Variants in INTS4 observed in about 807,000 individuals in gnomAD.
INTS4 encodes MSTP093.
A neutral mutation model predicts 119.5 loss-of-function variants in INTS4; 70 were observed. The ratio of observed to expected loss-of-function variants is 0.59; its 90% confidence interval spans 0.48 to 0.71. The LOEUF is 0.71. INTS4 is among the 30% of genes least tolerant of loss of function. The probability of loss-of-function intolerance (pLI) is 0.00; values close to 1 mark genes in which losing one functional copy is unlikely to be tolerated. For synonymous variants in INTS4, 316 were observed against 419.6 expected (o/e 0.75, Z 3.02); for missense variants, 867 against 1,173.2 (o/e 0.74, Z 3.81).
At position 77,879,034 on chromosome 11, in the gene INTS4, G is replaced by A. The variant is rs1951689488; in HGVS notation, c.2807C>T (p.Pro936Leu). Residue 936 changes from proline to leucine, a missense_variant, in exon 23 of 23, where the codon CCA becomes CTA. Transcript: ENST00000534064. ...GCCCTCGATGCTGGTTTCCACCTGT[G>A]GTGACATCTCACCACCCTCCATCCA... ...CPWMEGGEMS[P>L]QVETSIEGTI... is the part of the protein sequence containing the mutation. The A allele has an allele frequency of 1.2e-6, 2 of 1,614,112 alleles. No homozygotes were observed. The highest frequency in any genetic ancestry group is 1.7e-6 in the Non-Finnish European group (2 of 1,180,018).
intron 21 of INTS4, among the ~76,000 whole-genome samples, chr11:77,886,418 A>G (rs948976680): frequency 1.3e-5 from 2 of 152,214 alleles, no homozygotes; most frequent in African/African-American, 4.8e-5. Flanking sequence ...TAGGCTTACA[A>G]GAGTTAATAA....
Position 77,891,380 on chromosome 11 carries a change from G to T in INTS4, c.2531C>A (p.Ala844Asp). ...PLRFTSGLVV[A>D]LDVDATLEHV... ...CTCCAGGGTTGCATCAACATCCAGG[G>T]CAACCACCAACCCAGAGGTAAACCG... The change falls in exon 21 of 23, where the codon GCC (alanine) becomes GAC (aspartate). Residue 844 changes from alanine to aspartate, a missense_variant. Physicochemically the swap from Ala to Asp is moderately radical, Grantham distance 126. Coordinates refer to ENST00000534064, the MANE Select transcript of INTS4 (RefSeq NM_033547.4). The T allele has an allele frequency of 6.2e-7, 1 of 1,612,012 alleles. No homozygotes were observed. Among genetic ancestry groups the T allele is most frequent in the Non-Finnish European group, 8.5e-7 (1 of 1,179,122 alleles).
At chr11:77,893,378 G>A (rs1321775988) in intron 19 of INTS4, among the ~76,000 whole-genome samples, 1 of 152,170 alleles carries the variant, frequency 6.6e-6, no homozygotes, top group African/African-American at 2.4e-5. Context: ...GGCAGAGGCA[G>A]GAGGATCTCT....
intron 4 of INTS4, among the ~76,000 whole-genome samples, chr11:77,971,866 T>C (rs184658251): frequency 2.6e-5 from 4 of 152,288 alleles, no homozygotes; most frequent in Admixed American, 6.5e-5. Flanking sequence ...TATACTACTA[T>C]ATTTTCTTCT....
At chr11:77,909,982 T>C (rs1953051536) in intron 15 of INTS4, among the ~76,000 whole-genome samples, 1 of 152,138 alleles carries the variant, frequency 6.6e-6, no homozygotes, top group South Asian at 2.1e-4. Context: ...GGAACACTTT[T>C]ACACTGTTGG....
At chr11:77,881,993 C>A (rs1951812079) in intron 22 of INTS4, among the ~76,000 whole-genome samples, 1 of 151,814 alleles carries the variant, frequency 6.6e-6, no homozygotes, top group Non-Finnish European at 1.5e-5. Flanking sequence ...CTCCCTGCAG[C>A]CTTGACCCCC....
At chr11:77,893,948 T>C (rs1027685839) in intron 19 of INTS4, among the ~76,000 whole-genome samples, 7 of 143,144 alleles carry the variant, frequency 4.9e-5, no homozygotes, top group Middle Eastern at 3.5e-3. Flanking sequence ...ACGAACAGTG[T>C]TGAAAAAAAC....
chr11:77,886,336 G>C (rs1355011545), intron 21 of INTS4, among the ~76,000 whole-genome samples: 1 of 152,194 alleles, frequency 6.6e-6, no homozygotes, highest in African/African-American at 2.4e-5. Flanking sequence ...TTAGAAACCT[G>C]TGGCCCAAGT....
intron 4 of INTS4, among the ~76,000 whole-genome samples, chr11:77,964,292 G>A (rs1349633866): frequency 6.6e-6 from 1 of 152,098 alleles, no homozygotes; most frequent in East Asian, 1.9e-4. Context: ...TATTGGCCGG[G>A]TGCAGTGGCT....
chr11:77,895,674 C>T (rs1220321612), intron 18 of INTS4, among the ~76,000 whole-genome samples: 3 of 151,588 alleles, frequency 2.0e-5, no homozygotes, highest in Admixed American at 6.6e-5. Context: ...GAATTCCAGC[C>T]AAGCAAGGGC....
intron 8 of INTS4, among the ~76,000 whole-genome samples, chr11:77,942,127 C>A (rs1953942422): frequency 6.6e-6 from 1 of 151,904 alleles, no homozygotes; most frequent in Non-Finnish European, 1.5e-5. Context: ...TTACCAGGAA[C>A]AAGAATACAA....
At position 77,974,203 on chromosome 11, in the gene INTS4, A is replaced by C. The variant is rs527901293; in HGVS notation, c.471+4793T>G. ...TTCTAATAATTTGTCCACTTAACTA[A>C]GTTATCTAATTTATTGGTATATAAT... On this transcript the variant is annotated intron_variant, in intron 4 of 22. Transcript: ENST00000534064. Among the ~76,000 whole-genome samples, 123 of 149,480 alleles carry C rather than the reference A, an allele frequency of 8.2e-4. 2 individuals carry two copies. The highest frequency in any genetic ancestry group is 2.9e-3 in the African/African-American group (119 of 40,662).
chr11:77,911,854 T>C (rs1953094333), intron 15 of INTS4, among the ~76,000 whole-genome samples: 2 of 152,194 alleles, frequency 1.3e-5, no homozygotes, highest in African/African-American at 4.8e-5. Context: ...TAATCCTATT[T>C]CACTGAACAG....
At chr11:77,920,885 TA>T (rs1174990038) in intron 14 of INTS4, among the ~76,000 whole-genome samples, 1 of 150,052 alleles carries the variant, frequency 6.7e-6, no homozygotes, top group Non-Finnish European at 1.5e-5. Context: ...AATAAATAAA[TA>T]TATATATATA....
At chr11:77,978,938 C>A in intron 4 of INTS4, 58 bp downstream of exon 4, 1 of 1,066,390 alleles carries the variant, frequency 9.4e-7, no homozygotes, top group Non-Finnish European at 1.5e-6. Context: ...CATTAATGGT[C>A]CTTAGCAGTC....
At chr11:77,878,686 A>G (rs906391255), downstream of INTS4, 4 of 680,706 alleles carry the variant, frequency 5.9e-6, no homozygotes, top group African/African-American at 5.4e-5. Context: ...CTATAGCCAC[A>G]CGCATTTCTT....
chr11:77,876,924 C>A, downstream of INTS4: 3 of 702,610 alleles, frequency 4.3e-6, no homozygotes, highest in South Asian at 4.4e-5. Flanking sequence ...CAGGCAGCAG[C>A]CATGGTTCTT....
intron 4 of INTS4, among the ~76,000 whole-genome samples, chr11:77,971,825 T>A (rs1855747763): frequency 6.6e-6 from 1 of 152,192 alleles, no homozygotes; most frequent in African/African-American, 2.4e-5. Flanking sequence ...TTAAATCTAA[T>A]AATCCACTCC....
At chr11:77,902,483 T>C (rs1175859589) in intron 17 of INTS4, among the ~76,000 whole-genome samples, 2 of 152,202 alleles carry the variant, frequency 1.3e-5, no homozygotes, top group South Asian at 4.1e-4. Flanking sequence ...AGCACTGTAG[T>C]AGAAAACAGA....
Sources: allele counts gnomAD v4.1 joint callset (sites outside exome capture counted in the v4.1 genomes callset), GRCh38; gene constraint gnomAD v4.1.1; transcripts MANE v1.5; gene names NCBI Gene and HGNC (gene_info 2026-07-23, HGNC 2026-07-21).